CBLB: variants seen among roughly 807,000 people sequenced by gnomAD.
CBLB encodes the protein E3 ubiquitin-protein ligase CBL-B.
CBLB carries 31 observed loss-of-function variants against 104.9 expected under a neutral mutation model. The observed-to-expected ratio is 0.30, with a 90% CI of 0.22 to 0.40. The LOEUF is 0.40. CBLB is among the 10% of genes least tolerant of loss of function. CBLB has a pLI of 1.00. For synonymous variants in CBLB, 440 were observed against 422.6 expected (o/e 1.04, Z -0.51); for missense variants, 1,062 against 1,214.6 (o/e 0.87, Z 1.87).
chr3:105,844,408 A>G (rs1160424244), intron 3 of CBLB, among the ~76,000 whole-genome samples: 1 of 152,256 alleles, frequency 6.6e-6, no homozygotes, highest in Non-Finnish European at 1.5e-5. Context: ...AGATGTTCAA[A>G]GTAATACATT....
At chr3:105,819,360 G>A (rs2085499876) in intron 3 of CBLB, among the ~76,000 whole-genome samples, 1 of 152,062 alleles carries the variant, frequency 6.6e-6, no homozygotes, top group Admixed American at 6.5e-5. Flanking sequence ...GGTGGCACAT[G>A]CCTATAGTCT....
intron 18 of CBLB, among the ~76,000 whole-genome samples, chr3:105,661,056 G>T (rs1186716143): frequency 6.6e-6 from 1 of 150,846 alleles, no homozygotes; most frequent in Non-Finnish European, 1.5e-5. Context: ...TTCCATCTTG[G>T]CCTCCCAAAA....
intron 18 of CBLB, among the ~76,000 whole-genome samples, chr3:105,665,845 A>G (rs911536130): frequency 6.6e-6 from 1 of 151,650 alleles, no homozygotes; most frequent in Non-Finnish European, 1.5e-5. Flanking sequence ...CCTGGCCAAT[A>G]TGGTGAAACC....
chr3:105,794,395 G>A lies in CBLB; in HGVS notation c.420-17853C>T, dbSNP rs569672363. Among the ~76,000 whole-genome samples, 22 of 152,198 alleles carry A rather than the reference G, an allele frequency of 1.4e-4. 1 individual carries two copies. The South Asian group carries it at 1.7e-3, about 11-fold the overall frequency. ...AGATACAATCTGACATTAACCTTAC[G>A]GAGCAGTTTGTTTCCCCAGAGTCAG... On this transcript the variant is annotated intron_variant, in intron 3 of 18. Coordinates refer to ENST00000394030, the MANE Select transcript of CBLB (RefSeq NM_170662.5).
At chr3:105,822,594 A>G (rs1191334058) in intron 3 of CBLB, among the ~76,000 whole-genome samples, 1 of 152,142 alleles carries the variant, frequency 6.6e-6, no homozygotes, top group Non-Finnish European at 1.5e-5. Flanking sequence ...AAGGGATAAC[A>G]CTAGGACCTT....
intron 8 of CBLB, 90 bp from the exon 9 acceptor site, chr3:105,734,230 A>G: frequency 7.9e-7 from 1 of 1,273,756 alleles, no homozygotes; most frequent in Non-Finnish European, 1.1e-6. Flanking sequence ...AATGACGCAC[A>G]GTCAATATCT....
intron 8 of CBLB, 129 bp from the exon 9 acceptor site, chr3:105,734,269 C>T (rs927677577): frequency 4.6e-5 from 41 of 890,522 alleles, no homozygotes; most frequent in Non-Finnish European, 7.4e-5. Context: ...AATTTTGTTA[C>T]CATTTGAGAC....
At chr3:105,778,579 A>G (rs1487942885) in intron 3 of CBLB, among the ~76,000 whole-genome samples, 1 of 152,132 alleles carries the variant, frequency 6.6e-6, no homozygotes, top group Non-Finnish European at 1.5e-5. Context: ...ACAGTCACCT[A>G]TTTCCATAAC....
intron 6 of CBLB, among the ~76,000 whole-genome samples, chr3:105,742,155 C>T (rs2152884572): frequency 6.6e-6 from 1 of 152,242 alleles, no homozygotes; most frequent in South Asian, 2.1e-4. Flanking sequence ...GATTTTATTA[C>T]CCATTAAGCA....
At chr3:105,794,270 C>T (rs1009880865) in intron 3 of CBLB, among the ~76,000 whole-genome samples, 5 of 152,128 alleles carry the variant, frequency 3.3e-5, no homozygotes, top group African/African-American at 4.8e-5. Context: ...ATTTTAATAT[C>T]GGTCTTATGT....
chr3:105,703,909 A>G lies in CBLB; in HGVS notation c.1593+79T>C, dbSNP rs566176561. On this transcript the variant is annotated intron_variant, in intron 11 of 18. Coordinates refer to ENST00000394030, the MANE Select transcript of CBLB (RefSeq NM_170662.5). ...CAATTAAAAGCAAAAAAATATGAGT[A>G]ATGGAATTTAAAAGAATCTGAGCAA... 11 of 1,327,742 alleles carry G rather than the reference A, an allele frequency of 8.3e-6. No homozygotes were observed. The African/African-American group carries it at 1.4e-4, about 17-fold the overall frequency. The allele number at this position is 1,327,742 out of a possible 1,614,324, so 82.2% of individuals were successfully genotyped here.
At chr3:105,843,355 A>G (rs1291123540) in intron 3 of CBLB, among the ~76,000 whole-genome samples, 5 of 152,240 alleles carry the variant, frequency 3.3e-5, no homozygotes, top group African/African-American at 1.2e-4. Flanking sequence ...TGTCACCAAC[A>G]TGGAAAACAC....
intron 4 of CBLB, among the ~76,000 whole-genome samples, chr3:105,766,355 G>C (rs368834431): frequency 6.6e-6 from 1 of 152,164 alleles, no homozygotes; most frequent in African/African-American, 2.4e-5. Context: ...TAAAGCAGTG[G>C]CAGGGTTTGA....
intron 3 of CBLB, among the ~76,000 whole-genome samples, chr3:105,791,464 A>G (rs935201663): frequency 1.3e-5 from 2 of 149,738 alleles, no homozygotes; most frequent in Non-Finnish European, 2.9e-5. Flanking sequence ...AAAATAGAAT[A>G]CTGAGCGAAT....
intron 6 of CBLB, among the ~76,000 whole-genome samples, chr3:105,741,497 G>A (rs778636767): frequency 3.5e-4 from 53 of 152,140 alleles, no homozygotes; most frequent in Non-Finnish European, 6.8e-4. Context: ...CCAGGTTCAC[G>A]CTATTCTCCT....
chr3:105,739,309 G>C (rs2075287178), intron 7 of CBLB, among the ~76,000 whole-genome samples: 1 of 151,804 alleles, frequency 6.6e-6, no homozygotes. Context: ...CTTTGATAAA[G>C]GTAAAACTCA....
At position 105,754,493 on chromosome 3, in the gene CBLB, A is replaced by AAGAG. The variant is rs1208848396; in HGVS notation, c.567-2879_567-2876dup. Among the ~76,000 whole-genome samples the AAGAG allele has an allele frequency of 5.3e-3, 338 of 64,226 alleles. 8 individuals are homozygous for AAGAG. Among genetic ancestry groups the AAGAG allele is most frequent in the Middle Eastern group, 0.011 (1 of 92 alleles). 42.1% of individuals were successfully genotyped at this position (64,226 alleles called of 152,430 possible). A position where few individuals can be genotyped will look rare whatever the true frequency, so the allele number is the denominator to read the frequency against. The stretch of plus-strand genomic sequence containing the variant: ...CAGAGACCTGGGAAGAAGAAAAGGG[A>AAGAG]AGAGAGAGAGAGAGAGAGAGAGAGA... On this transcript the variant is annotated intron_variant, in intron 4 of 18. Coordinates refer to ENST00000394030, the MANE Select transcript of CBLB (RefSeq NM_170662.5).
chr3:105,854,972 G>A (rs1026932672), intron 2 of CBLB, among the ~76,000 whole-genome samples: 5 of 152,138 alleles, frequency 3.3e-5, no homozygotes, highest in Admixed American at 3.3e-4. Context: ...AAAGCCTCCT[G>A]TTGGGTGGCA....
chr3:105,869,203 G>A (rs1706749652), upstream of CBLB: 1 of 631,046 alleles, frequency 1.6e-6, no homozygotes, highest in South Asian at 1.5e-5. Context: ...AATGGCCCCA[G>A]AGGAAGGCCC....
Sources: gnomAD v4.1 joint callset for allele counts (sites outside exome capture counted in the v4.1 genomes callset) on GRCh38, gnomAD v4.1.1 for gene constraint, MANE v1.5 for transcripts, NCBI Gene and HGNC (gene_info 2026-07-23, HGNC 2026-07-21) for gene names.